CDKL3: variants seen among roughly 807,000 people sequenced by gnomAD.
The protein encoded by CDKL3 is cyclin-dependent kinase-like 3.
CDKL3 carries 65 observed loss-of-function variants against 69.3 expected under a neutral mutation model. The ratio of observed to expected loss-of-function variants is 0.94; its 90% CI spans 0.77 to 1.15. The LOEUF (loss-of-function observed/expected upper bound fraction) is 1.15. CDKL3 is among the 50% of genes most tolerant of loss of function. CDKL3 has a pLI of 0.00. For synonymous variants in CDKL3, 202 were observed against 221.6 expected (o/e 0.91, Z 0.79); for missense variants, 652 against 689.2 (o/e 0.95, Z 0.61).
chr5:134,295,523 C>T (rs1368560470), downstream of CDKL3, among the ~76,000 whole-genome samples: 1 of 152,088 alleles, frequency 6.6e-6, no homozygotes, highest in East Asian at 1.9e-4. Context: ...TCTTGATTTC[C>T]CTAGAGGAGC....
intron 3 of CDKL3, among the ~76,000 whole-genome samples, chr5:134,358,051 T>C (rs546741426): frequency 1.4e-4 from 21 of 152,254 alleles, no homozygotes; most frequent in Non-Finnish European, 2.5e-4. Flanking sequence ...TGCACTCCCA[T>C]CTGGGCAACA....
rs17167468 is a variant in CDKL3, at chr5:134,359,431, G to C, written c.360+466C>G. Among the ~76,000 whole-genome samples, 55 of 152,154 alleles carry C rather than the reference G, an allele frequency of 3.6e-4. No homozygotes were observed. The East Asian group carries it at 0.01, about 29-fold the overall frequency. ...TGATTTTTCATAGGTTAAATGACAAGGCCTCAAACCGCTCCGCCACTTTAT... is the reference window on the plus strand; with the variant it reads ...TGATTTTTCATAGGTTAAATGACAACGCCTCAAACCGCTCCGCCACTTTAT... On this transcript the variant is annotated intron_variant, in intron 3 of 12. Coordinates refer to ENST00000265334, the MANE Select transcript of CDKL3 (RefSeq NM_001113575.2).
In CDKL3 at chr5:134,308,301, C is replaced by T; in HGVS notation, c.1201G>A (p.Val401Ile). ...VHPMSPDTKLVTIEPPNPINP... is the reference protein window; with the variant it reads ...VHPMSPDTKLITIEPPNPINP... ...ATAGGGTTTGGTGGTTCAATGGTTA[C>T]AAGTTTTGTATCTGGAGACATAGGA... Residue 401 changes from valine (V) to isoleucine (I), a missense_variant, in exon 9 of 13, where the codon GTA becomes ATA. Transcript: ENST00000265334. The T allele has an allele frequency of 6.2e-7, 1 of 1,613,938 alleles. No homozygotes were observed.
intron 4 of CDKL3, among the ~76,000 whole-genome samples, chr5:134,323,105 G>C (rs1773229886): frequency 6.6e-6 from 1 of 152,038 alleles, no homozygotes; most frequent in African/African-American, 2.4e-5. Context: ...AATAAATGGA[G>C]AGATACTCCA....
At chr5:134,362,310 G>A (rs1185662887) in intron 2 of CDKL3, among the ~76,000 whole-genome samples, 1 of 152,032 alleles carries the variant, frequency 6.6e-6, no homozygotes, top group Non-Finnish European at 1.5e-5. Context: ...ACCTGAGGTC[G>A]GGAGTTCGAG....
chr5:134,303,625 C>G (rs1322199120), intron 11 of CDKL3, among the ~76,000 whole-genome samples: 2 of 151,972 alleles, frequency 1.3e-5, no homozygotes, highest in African/African-American at 4.8e-5. Flanking sequence ...AGGTGGATCA[C>G]CTGAGGTCAG....
At chr5:134,326,470 G>C (rs1774218528) in intron 4 of CDKL3, among the ~76,000 whole-genome samples, 1 of 151,986 alleles carries the variant, frequency 6.6e-6, no homozygotes. Flanking sequence ...ACTAAGGAAA[G>C]TAAAGGTATT....
At chr5:134,365,531 G>T (rs1203533222) in intron 2 of CDKL3, among the ~76,000 whole-genome samples, 1 of 151,640 alleles carries the variant, frequency 6.6e-6, no homozygotes, top group Non-Finnish European at 1.5e-5. Flanking sequence ...TTCCTTAATT[G>T]AACTCCTAAC....
intron 8 of CDKL3, among the ~76,000 whole-genome samples, chr5:134,287,117 A>G: frequency 6.6e-6 from 1 of 152,168 alleles, no homozygotes; most frequent in Non-Finnish European, 1.5e-5. Context: ...AAGCACTTAG[A>G]ATTAAGAAGA....
downstream of CDKL3, among the ~76,000 whole-genome samples, chr5:134,283,363 T>G: frequency 6.6e-6 from 1 of 152,168 alleles, no homozygotes; most frequent in Non-Finnish European, 1.5e-5. Flanking sequence ...AGAAAGAGGT[T>G]TATTGGACTT....
intron 4 of CDKL3, among the ~76,000 whole-genome samples, chr5:134,325,905 A>T (rs1774037737): frequency 6.8e-6 from 1 of 147,366 alleles, no homozygotes. Context: ...CTGGGACTAC[A>T]GGCGCCCATC....
intron 4 of CDKL3, among the ~76,000 whole-genome samples, chr5:134,325,904 C>T (rs910424465): frequency 5.4e-5 from 8 of 147,236 alleles, no homozygotes; most frequent in African/African-American, 1.0e-4. Context: ...GCTGGGACTA[C>T]AGGCGCCCAT....
chr5:134,322,426 T>C (rs1773045805), intron 4 of CDKL3, among the ~76,000 whole-genome samples: 1 of 152,218 alleles, frequency 6.6e-6, no homozygotes, highest in Non-Finnish European at 1.5e-5. Flanking sequence ...GAGTGTAAAC[T>C]TATATGACTT....
At chr5:134,360,792 TATGTG>T (rs1442895043) in intron 2 of CDKL3, among the ~76,000 whole-genome samples, 2 of 152,168 alleles carry the variant, frequency 1.3e-5, no homozygotes, top group African/African-American at 4.8e-5. Context: ...CACGATTAAG[TATGTG>T]ATCTGAATTT....
intron 4 of CDKL3, among the ~76,000 whole-genome samples, chr5:134,332,723 A>T (rs990123125): frequency 1.3e-5 from 2 of 152,212 alleles, no homozygotes; most frequent in Non-Finnish European, 2.9e-5. Context: ...GAAGTCAGGT[A>T]GTGTGATGCC....
intron 4 of CDKL3, among the ~76,000 whole-genome samples, chr5:134,327,411 T>C (rs1382947895): frequency 1.3e-5 from 2 of 152,168 alleles, no homozygotes; most frequent in Non-Finnish European, 2.9e-5. Flanking sequence ...ATCCAGAAAC[T>C]GGGCTCAGAG....
chr5:134,327,314 G>A (rs1171015721), intron 4 of CDKL3, among the ~76,000 whole-genome samples: 2 of 152,106 alleles, frequency 1.3e-5, no homozygotes, highest in African/African-American at 4.8e-5. Flanking sequence ...GGGACCTCAG[G>A]TTGCTGCTCT....
chr5:134,349,929 T>C (rs1752842310), intron 4 of CDKL3, among the ~76,000 whole-genome samples: 1 of 152,180 alleles, frequency 6.6e-6, no homozygotes, highest in Non-Finnish European at 1.5e-5. Flanking sequence ...GACTCACGCC[T>C]GTAATCCTAG....
chr5:134,367,994 T>G (rs1757847916), upstream of CDKL3, among the ~76,000 whole-genome samples: 1 of 152,244 alleles, frequency 6.6e-6, no homozygotes, highest in African/African-American at 2.4e-5. Flanking sequence ...TGCTTTCTTC[T>G]ATAAAATGAG....
Sources: gnomAD v4.1 joint callset for allele counts (sites outside exome capture counted in the v4.1 genomes callset) on GRCh38, gnomAD v4.1.1 for gene constraint, MANE v1.5 for transcripts, NCBI Gene and HGNC (gene_info 2026-07-23, HGNC 2026-07-21) for gene names.